Variants in SNTG1 observed in about 807,000 individuals in gnomAD.
SNTG1 encodes gamma-1-syntrophin.
Under a neutral mutation model 74.7 loss-of-function variants are expected in SNTG1, and 39 were observed. That is an observed-to-expected ratio of 0.52 (90% CI 0.40 to 0.68). The LOEUF is 0.68. SNTG1 is among the 30% of genes least tolerant of loss of function. The probability of loss-of-function intolerance (pLI) is 0.00; values close to 1 mark genes in which losing one functional copy is unlikely to be tolerated. For synonymous variants in SNTG1, 254 were observed against 217.1 expected (o/e 1.17, Z -1.49); for missense variants, 685 against 609.5 (o/e 1.12, Z -1.30).
chr8:50,216,840 A>G (rs1430526403), intron 2 of SNTG1, among the ~76,000 whole-genome samples: 1 of 152,088 alleles, frequency 6.6e-6, no homozygotes, highest in African/African-American at 2.4e-5. Flanking sequence ...TACTGGATGC[A>G]TTTATTCCAG....
rs553496566 is a variant in SNTG1, at chr8:50,178,217, A to T, written c.-28+5582A>T. Among the ~76,000 whole-genome samples, 11 of 152,304 alleles carry T rather than the reference A, an allele frequency of 7.2e-5. No homozygotes were observed. In the East Asian group the frequency reaches 9.7e-4, roughly 13 times the overall value. On this transcript the variant is annotated intron_variant, in intron 2 of 18. Coordinates refer to ENST00000642720, the MANE Select transcript of SNTG1 (RefSeq NM_018967.5). ...AGCATAACTGCTGCATCAAGTGGTAAGCTCTGTAGGGAATTGCAAAGCTGT... is the reference window on the plus strand; with the variant it reads ...AGCATAACTGCTGCATCAAGTGGTATGCTCTGTAGGGAATTGCAAAGCTGT...
chr8:50,020,102 A>T (rs1056244857), intron 1 of SNTG1, among the ~76,000 whole-genome samples: 4 of 152,138 alleles, frequency 2.6e-5, no homozygotes, highest in African/African-American at 9.7e-5. Context: ...TTCCCCATTT[A>T]CATTGTGTAT....
chr8:50,683,657 T>G (rs914323078), intron 15 of SNTG1, among the ~76,000 whole-genome samples: 1 of 152,186 alleles, frequency 6.6e-6, no homozygotes, highest in African/African-American at 2.4e-5. Flanking sequence ...ACACAAGTAT[T>G]CCCTTTATAT....
intron 1 of SNTG1, among the ~76,000 whole-genome samples, chr8:50,132,057 A>T (rs1021266693): frequency 2.6e-5 from 4 of 152,080 alleles, no homozygotes; most frequent in African/African-American, 9.7e-5. Context: ...CTATGCTGGT[A>T]CTATACTGTT....
chr8:50,316,033 T>C (rs2090306648), intron 2 of SNTG1, among the ~76,000 whole-genome samples: 1 of 152,182 alleles, frequency 6.6e-6, no homozygotes, highest in South Asian at 2.1e-4. Context: ...AAACCAACTT[T>C]TAAAATTCTA....
At chr8:50,518,343 A>G (rs191822600) in intron 9 of SNTG1, among the ~76,000 whole-genome samples, 29 of 152,328 alleles carry the variant, frequency 1.9e-4, no homozygotes, top group Non-Finnish European at 3.7e-4. Flanking sequence ...AATTGCCCAC[A>G]AGAGAAAGCA....
intron 1 of SNTG1, among the ~76,000 whole-genome samples, chr8:50,112,515 C>CTTTCT: frequency 1.3e-5 from 1 of 77,582 alleles, no homozygotes; most frequent in Non-Finnish European, 2.2e-5. Flanking sequence ...TTAGTTCTTT[C>CTTTCT]TTTTTTTTTT....
chr8:50,668,618 C>A (rs2095262423), intron 15 of SNTG1, among the ~76,000 whole-genome samples: 1 of 151,478 alleles, frequency 6.6e-6, no homozygotes, highest in Non-Finnish European at 1.5e-5. Flanking sequence ...ATTTCCTGCA[C>A]CTATCGACCT....
At chr8:50,278,285 A>G (rs1360516923) in intron 2 of SNTG1, among the ~76,000 whole-genome samples, 1 of 152,206 alleles carries the variant, frequency 6.6e-6, no homozygotes. Context: ...GTTGAATATA[A>G]TATTTTTCAA....
intron 4 of SNTG1, among the ~76,000 whole-genome samples, chr8:50,418,453 T>G (rs1378624702): frequency 2.6e-5 from 4 of 152,114 alleles, no homozygotes; most frequent in African/African-American, 4.8e-5. Context: ...ATAGGCACTT[T>G]AATGGTGCAA....
At chr8:50,540,288 G>A (rs2094337108) in intron 11 of SNTG1, among the ~76,000 whole-genome samples, 1 of 152,094 alleles carries the variant, frequency 6.6e-6, no homozygotes, top group Non-Finnish European at 1.5e-5. Flanking sequence ...ATTTAAAAGT[G>A]TATCACAAAA....
intron 1 of SNTG1, among the ~76,000 whole-genome samples, chr8:50,059,401 G>T (rs1196021193): frequency 6.6e-6 from 1 of 151,962 alleles, no homozygotes; most frequent in Non-Finnish European, 1.5e-5. Flanking sequence ...ATGGCTTTTA[G>T]TATATCTACA....
Position 50,175,719 on chromosome 8 carries a change from T to C in SNTG1, c.-28+3084T>C, listed in dbSNP as rs76415071. Among the ~76,000 whole-genome samples, 38 of 152,256 alleles carry C rather than the reference T, an allele frequency of 2.5e-4. No homozygotes were observed. In the East Asian group the frequency reaches 6.8e-3, roughly 27 times the overall value. On this transcript the variant is annotated intron_variant, in intron 2 of 18. Coordinates refer to ENST00000642720, the MANE Select transcript of SNTG1 (RefSeq NM_018967.5). ...TGGAGAAAGGCAGTTGTAAGGAAAA[T>C]AATGGAAATTCACTTGAGGGCGGCT...
chr8:50,233,041 G>T (rs1301661723), intron 2 of SNTG1, among the ~76,000 whole-genome samples: 1 of 151,500 alleles, frequency 6.6e-6, no homozygotes, highest in African/African-American at 2.4e-5. Flanking sequence ...AACTTGATAT[G>T]TTGTGGATAT....
At chr8:50,779,106 C>T (rs1045416018) in intron 18 of SNTG1, among the ~76,000 whole-genome samples, 4 of 152,212 alleles carry the variant, frequency 2.6e-5, no homozygotes, top group African/African-American at 9.6e-5. Flanking sequence ...GTTACTGTAG[C>T]CTTGTAGTAT....
At chr8:50,727,084 G>A (rs1274414171) in intron 17 of SNTG1, among the ~76,000 whole-genome samples, 1 of 152,090 alleles carries the variant, frequency 6.6e-6, no homozygotes, top group Non-Finnish European at 1.5e-5. Context: ...TGAATTTACT[G>A]TGAATACGCA....
intron 2 of SNTG1, among the ~76,000 whole-genome samples, chr8:50,228,635 A>G (rs1213786311): frequency 1.3e-5 from 2 of 151,876 alleles, no homozygotes; most frequent in African/African-American, 4.8e-5. Flanking sequence ...TGTTTAAAAT[A>G]TTAAAGGAAA....
intron 17 of SNTG1, among the ~76,000 whole-genome samples, chr8:50,739,679 T>TAA (rs200775615): frequency 1.3e-5 from 2 of 151,642 alleles, no homozygotes; most frequent in African/African-American, 2.4e-5. Flanking sequence ...TAAAGTATAA[T>TAA]AAAAAAATAA....
chr8:50,780,314 C>A (rs1399870935), intron 18 of SNTG1, among the ~76,000 whole-genome samples: 1 of 152,116 alleles, frequency 6.6e-6, no homozygotes, highest in African/African-American at 2.4e-5. Context: ...TAGAATTCGG[C>A]TGTGAATCCC....
Sources: allele counts gnomAD v4.1 joint callset (sites outside exome capture counted in the v4.1 genomes callset), GRCh38; gene constraint gnomAD v4.1.1; transcripts MANE v1.5; gene names NCBI Gene and HGNC (gene_info 2026-07-23, HGNC 2026-07-21).